Variants in RGS6 observed in about 807,000 individuals in gnomAD.
The protein encoded by RGS6 is regulator of G-protein signaling 6.
In RGS6, 30 loss-of-function variants were observed where a neutral mutation model predicts 78.5. That is an observed-to-expected ratio of 0.38 (90% CI 0.29 to 0.52). The LOEUF is 0.52. Among genes scored for constraint, RGS6 ranks in the 20% least tolerant of loss-of-function variants. The probability of loss-of-function intolerance (pLI) is 0.85; values close to 1 mark genes in which losing one functional copy is unlikely to be tolerated. For missense variants in RGS6, 495 were observed against 609.7 expected, an observed-to-expected ratio of 0.81 and a Z score of 1.98; for synonymous variants, 206 against 206.0, an observed-to-expected ratio of 1.00 and a Z score of 0.00.
intron 2 of RGS6, among the ~76,000 whole-genome samples, chr14:71,982,469 C>A (rs1410141068): frequency 2.0e-5 from 3 of 152,134 alleles, no homozygotes; most frequent in African/African-American, 7.2e-5. Flanking sequence ...TTAATCAAGT[C>A]AGACACAAAG....
intron 2 of RGS6, among the ~76,000 whole-genome samples, chr14:72,129,652 G>A (rs147728733): frequency 2.1e-3 from 320 of 152,280 alleles, no homozygotes; most frequent in African/African-American, 6.9e-3. Context: ...CTCCTTCTCA[G>A]GGCCTCTGCT....
At chr14:72,408,970 G>A (rs1019868809) in intron 3 of RGS6, among the ~76,000 whole-genome samples, 2 of 152,096 alleles carry the variant, frequency 1.3e-5, no homozygotes, top group Non-Finnish European at 2.9e-5. Flanking sequence ...AAAGTAGAGT[G>A]TAAAATAGAA....
intron 2 of RGS6, among the ~76,000 whole-genome samples, chr14:72,306,453 A>T (rs1410661504): frequency 1.3e-5 from 2 of 152,210 alleles, no homozygotes; most frequent in East Asian, 3.8e-4. Flanking sequence ...GCTCCCATAG[A>T]TAAGGATTCC....
the RGS6 span, among the ~76,000 whole-genome samples, chr14:72,603,922 C>T: frequency 6.6e-6 from 1 of 152,098 alleles, no homozygotes; most frequent in Non-Finnish European, 1.5e-5. Context: ...TAAGAAAACA[C>T]ATAAAAAGGA....
chr14:72,619,048 G>A, the RGS6 span, among the ~76,000 whole-genome samples: 1 of 152,226 alleles, frequency 6.6e-6, no homozygotes, highest in Non-Finnish European at 1.5e-5. Flanking sequence ...GGCTGGGGCC[G>A]GAGGTGTTCT....
At chr14:71,938,257 C>A (rs995184628) in intron 1 of RGS6, among the ~76,000 whole-genome samples, 2 of 152,220 alleles carry the variant, frequency 1.3e-5, no homozygotes, top group African/African-American at 4.8e-5. Context: ...ATTTTTCAAT[C>A]ATGCTTCTTC....
chr14:72,041,766 G>A (rs1389973178), intron 2 of RGS6, among the ~76,000 whole-genome samples: 1 of 152,136 alleles, frequency 6.6e-6, no homozygotes, highest in Non-Finnish European at 1.5e-5. Flanking sequence ...AAGGCATTTT[G>A]TACAATATAT....
intron 1 of RGS6, among the ~76,000 whole-genome samples, chr14:71,948,217 G>A (rs1044610459): frequency 1.3e-5 from 2 of 152,164 alleles, no homozygotes; most frequent in African/African-American, 2.4e-5. Flanking sequence ...TCACCTCACA[G>A]GGGAGGAATC....
At chr14:72,481,311 AG>A (rs1301785172) in intron 12 of RGS6, among the ~76,000 whole-genome samples, 1 of 152,252 alleles carries the variant, frequency 6.6e-6, no homozygotes, top group Non-Finnish European at 1.5e-5. Context: ...GGAAGAGAGC[AG>A]AATTCAAGGC....
At chr14:72,528,146 A>G (rs2097140741) in intron 15 of RGS6, among the ~76,000 whole-genome samples, 1 of 152,176 alleles carries the variant, frequency 6.6e-6, no homozygotes, top group East Asian at 1.9e-4. Flanking sequence ...ACCTCTTGAG[A>G]GAGTCACTGT....
chr14:72,140,772 A>G (rs941755972), intron 2 of RGS6, among the ~76,000 whole-genome samples: 1 of 152,208 alleles, frequency 6.6e-6, no homozygotes, highest in South Asian at 2.1e-4. Context: ...TCTTGGCCTA[A>G]GAGTTTTCAG....
the RGS6 span, among the ~76,000 whole-genome samples, chr14:72,611,784 C>A: frequency 6.6e-6 from 1 of 152,172 alleles, no homozygotes; most frequent in African/African-American, 2.4e-5. Context: ...CATCTGTTTT[C>A]TTCCCCCGAC....
intron 17 of RGS6, chr14:72,547,378 C>CA (rs1567103979): frequency 1.4e-6 from 2 of 1,398,470 alleles, no homozygotes; most frequent in South Asian, 2.5e-5. Flanking sequence ...GTAAGACCCC[C>CA]CCCCGACCCA....
intron 8 of RGS6, among the ~76,000 whole-genome samples, chr14:72,470,567 A>T (rs970305673): frequency 3.9e-5 from 6 of 152,192 alleles, no homozygotes; most frequent in African/African-American, 1.4e-4. Context: ...AAAATATCAG[A>T]TTATTACATT....
At chr14:72,232,771 A>G (rs2049981461) in intron 2 of RGS6, among the ~76,000 whole-genome samples, 1 of 152,114 alleles carries the variant, frequency 6.6e-6, no homozygotes, top group African/African-American at 2.4e-5. Flanking sequence ...GGAAGTCAGG[A>G]AAGGAGGGTA....
At chr14:72,622,300 C>G in the RGS6 span, among the ~76,000 whole-genome samples, 9 of 151,822 alleles carry the variant, frequency 5.9e-5, no homozygotes, top group African/African-American at 2.2e-4. Flanking sequence ...ACAGGACAGG[C>G]AGAGAAAAAA....
chr14:71,935,275 T>C (rs2088888299), intron 1 of RGS6, among the ~76,000 whole-genome samples: 1 of 152,188 alleles, frequency 6.6e-6, no homozygotes, highest in Non-Finnish European at 1.5e-5. Context: ...TTGAAACAGT[T>C]CAGGAAAATA....
At position 72,270,811 on chromosome 14, in the gene RGS6, C is replaced by CA. The variant is rs72520643; in HGVS notation, c.85-81278dup. Among the ~76,000 whole-genome samples the CA allele has an allele frequency of 2.7e-3, 407 of 152,276 alleles. 10 individuals are homozygous for CA. The East Asian group carries it at 0.069, about 26-fold the overall frequency. The stretch of plus-strand genomic sequence containing the variant: ...CTTTTCCCAAGTCCTCATTCTGCCA[C>CA]AAAAAACTTTTGAATGCACCGAAAG... On this transcript the variant is annotated intron_variant, in intron 2 of 17. Transcript: ENST00000553525.
At chr14:72,537,486 GCT>G in intron 16 of RGS6, 1 of 702,364 alleles carries the variant, frequency 1.4e-6, no homozygotes. Flanking sequence ...GTTGTCAGCA[GCT>G]CTCTGGGTTT....
Sources: gnomAD v4.1 joint callset for allele counts (sites outside exome capture counted in the v4.1 genomes callset) on GRCh38, gnomAD v4.1.1 for gene constraint, MANE v1.5 for transcripts, NCBI Gene and HGNC (gene_info 2026-07-23, HGNC 2026-07-21) for gene names.